Variants in C1QTNF7 observed in about 807,000 individuals in gnomAD.
C1QTNF7 encodes the protein complement C1q tumor necrosis factor-related protein 7.
In C1QTNF7, 15 loss-of-function variants were observed where a neutral mutation model predicts 19.6. The ratio of observed to expected loss-of-function variants is 0.76; its 90% CI spans 0.51 to 1.18. The LOEUF (loss-of-function observed/expected upper bound fraction) is 1.18, where lower values mean the gene tolerates loss of function less well. Ranked by LOEUF, C1QTNF7 falls within the 50% of genes most tolerant of loss-of-function variation. C1QTNF7 has a pLI of 0.00. For missense variants in C1QTNF7, 324 were observed against 359.7 expected, an observed-to-expected ratio of 0.90 and a Z score of 0.80; for synonymous variants, 142 against 137.5, an observed-to-expected ratio of 1.03 and a Z score of -0.23.
At chr4:15,425,848 G>A (rs772153258), upstream of C1QTNF7, among the ~76,000 whole-genome samples, 1 of 152,086 alleles carries the variant, frequency 6.6e-6, no homozygotes, top group African/African-American at 2.4e-5. Context: ...TGGTGTGTGA[G>A]TGTGTGTGTA....
intron 1 of C1QTNF7, among the ~76,000 whole-genome samples, chr4:15,342,862 G>A (rs542971410): frequency 6.6e-6 from 1 of 152,346 alleles, no homozygotes; most frequent in Admixed American, 6.5e-5. Context: ...CAGCGCTCTG[G>A]CTTAGGGGTC....
chr4:15,382,240 C>T (rs1718175449), intron 1 of C1QTNF7, among the ~76,000 whole-genome samples: 1 of 152,134 alleles, frequency 6.6e-6, no homozygotes, highest in South Asian at 2.1e-4. Context: ...AATTATCTCC[C>T]CATGTCACTG....
At chr4:15,410,786 G>T (rs1719376317) in intron 1 of C1QTNF7, among the ~76,000 whole-genome samples, 1 of 152,080 alleles carries the variant, frequency 6.6e-6, no homozygotes, top group African/African-American at 2.4e-5. Flanking sequence ...TTTCTCTCTG[G>T]TTTTCAGAAC....
chr4:15,341,466 A>G (rs1234679792), intron 1 of C1QTNF7, among the ~76,000 whole-genome samples: 1 of 152,200 alleles, frequency 6.6e-6, no homozygotes, highest in Non-Finnish European at 1.5e-5. Flanking sequence ...CAACGATAAG[A>G]AAGGGATTAA....
intron 1 of C1QTNF7, among the ~76,000 whole-genome samples, chr4:15,430,226 C>G (rs1577279488): frequency 1.3e-5 from 2 of 151,916 alleles, no homozygotes; most frequent in East Asian, 3.9e-4. Flanking sequence ...CTTTGTAATC[C>G]CTACAGAAAA....
chr4:15,388,948 T>G (rs1038130943), intron 1 of C1QTNF7, among the ~76,000 whole-genome samples: 1 of 151,758 alleles, frequency 6.6e-6, no homozygotes, highest in Non-Finnish European at 1.5e-5. Context: ...AGCAGGGAGG[T>G]CACCCATATC....
chr4:15,378,781 G>A (rs1457264842), intron 1 of C1QTNF7, among the ~76,000 whole-genome samples: 1 of 152,202 alleles, frequency 6.6e-6, no homozygotes, highest in East Asian at 1.9e-4. Context: ...AGAACTAATA[G>A]AGTGTACAGC....
upstream of C1QTNF7, among the ~76,000 whole-genome samples, chr4:15,424,920 G>A (rs927144529): frequency 1.5e-4 from 23 of 152,224 alleles, no homozygotes; most frequent in East Asian, 1.9e-4. Flanking sequence ...GCACAGTTCT[G>A]TGATTATTTC....
chr4:15,356,943 G>GT (rs199653260), intron 1 of C1QTNF7, among the ~76,000 whole-genome samples: 17,425 of 126,606 alleles, frequency 0.14, 1,222 homozygotes, highest in East Asian at 0.38. Context: ...TGATAAAGTT[G>GT]TTTTTTTTTT....
chr4:15,377,371 G>A (rs1050784168), intron 1 of C1QTNF7, among the ~76,000 whole-genome samples: 1 of 152,042 alleles, frequency 6.6e-6, no homozygotes, highest in African/African-American at 2.4e-5. Flanking sequence ...TATCATCTTT[G>A]ATTGCATCAG....
intron 1 of C1QTNF7, chr4:15,374,793 T>C (rs1717868201): frequency 2.1e-6 from 2 of 933,504 alleles, no homozygotes; most frequent in Non-Finnish European, 2.5e-6. Context: ...CCTCTCTCCA[T>C]TGATAAACGT....
chr4:15,426,950 T>C (rs552026757), upstream of C1QTNF7, among the ~76,000 whole-genome samples: 3 of 152,360 alleles, frequency 2.0e-5, no homozygotes, highest in African/African-American at 7.2e-5. Flanking sequence ...ACAGAGACTT[T>C]ATCTGATTAA....
intron 1 of C1QTNF7, among the ~76,000 whole-genome samples, chr4:15,368,933 G>A (rs35524577): frequency 0.016 from 2,419 of 152,318 alleles, 39 homozygotes; most frequent in Non-Finnish European, 0.024. Context: ...AATGTAAAGC[G>A]AAGATCATTT....
At chr4:15,374,083 G>C (rs936758254) in intron 1 of C1QTNF7, 5 of 152,214 alleles carry the variant, frequency 3.3e-5, no homozygotes, top group Non-Finnish European at 7.3e-5. Context: ...AAAAGATCGA[G>C]AGTCAGATCT....
intron 1 of C1QTNF7, among the ~76,000 whole-genome samples, chr4:15,422,801 T>A (rs1050291476): frequency 6.6e-6 from 1 of 152,228 alleles, no homozygotes; most frequent in Non-Finnish European, 1.5e-5. Flanking sequence ...TTTATTTATT[T>A]TTGTAGAGAT....
chr4:15,377,139 G>C (rs1273504989), intron 1 of C1QTNF7, among the ~76,000 whole-genome samples: 2 of 152,136 alleles, frequency 1.3e-5, no homozygotes, highest in Admixed American at 6.5e-5. Flanking sequence ...ACTAAAGTTT[G>C]ACAGTTCTAT....
chr4:15,422,593 T>C (rs1711828803), intron 1 of C1QTNF7, among the ~76,000 whole-genome samples: 1 of 152,138 alleles, frequency 6.6e-6, no homozygotes, highest in African/African-American at 2.4e-5. Context: ...TTTTTTAATA[T>C]GTTTAAAACT....
At chr4:15,363,144 T>G (rs1717400975) in intron 1 of C1QTNF7, among the ~76,000 whole-genome samples, 1 of 152,162 alleles carries the variant, frequency 6.6e-6, no homozygotes, top group South Asian at 2.1e-4. Flanking sequence ...ATGTCTTCCC[T>G]TGATGGTATT....
At chr4:15,373,533 G>T (rs1230625560) in intron 1 of C1QTNF7, among the ~76,000 whole-genome samples, 2 of 152,164 alleles carry the variant, frequency 1.3e-5, no homozygotes, top group Non-Finnish European at 2.9e-5. Context: ...ACAAAATGAG[G>T]TAAGTGCAAT....
Sources: gnomAD v4.1 joint callset for allele counts (sites outside exome capture counted in the v4.1 genomes callset) on GRCh38, gnomAD v4.1.1 for gene constraint, MANE v1.5 for transcripts, NCBI Gene and HGNC (gene_info 2026-07-23, HGNC 2026-07-21) for gene names.